Variants in FGD3 observed in about 807,000 individuals in gnomAD.
FGD3 encodes the protein FYVE, RhoGEF and PH domain containing 3.
Under a neutral mutation model 71.8 loss-of-function variants are expected in FGD3, and 45 were observed. The observed-to-expected ratio is 0.63, with a 90% CI of 0.49 to 0.80. The LOEUF is 0.80. Among genes scored for constraint, FGD3 ranks in the 30% least tolerant of loss-of-function variants. FGD3 has a pLI of 0.00. For synonymous variants in FGD3, 378 were observed against 392.8 expected (o/e 0.96, Z 0.44); for missense variants, 844 against 951.5 (o/e 0.89, Z 1.49).
chr9:93,020,458 C>A, intron 13 of FGD3, 34 bp downstream of exon 13: 1 of 1,581,022 alleles, frequency 6.3e-7, no homozygotes. Context: ...GAGAGACCTC[C>A]AGGGGACGGG....
At chr9:93,020,179 A>C (rs555949216) in intron 12 of FGD3, 138 bp from the exon 13 acceptor site, 1 of 750,054 alleles carries the variant, frequency 1.3e-6, no homozygotes, top group East Asian at 2.7e-5. Flanking sequence ...GTAGGGGGGA[A>C]GGGAGATGGC....
chr9:93,010,987 G>A (rs1285462948), intron 7 of FGD3, among the ~76,000 whole-genome samples: 3 of 152,170 alleles, frequency 2.0e-5, no homozygotes, highest in African/African-American at 7.2e-5. Flanking sequence ...GTGCAGAATC[G>A]TGGGAGCCCC....
chr9:92,962,249 T>G (rs1859180662), intron 1 of FGD3, among the ~76,000 whole-genome samples: 1 of 152,240 alleles, frequency 6.6e-6, no homozygotes, highest in African/African-American at 2.4e-5. Context: ...AGCCTGCTGC[T>G]GTGCTGCCAG....
rs748331441 is a variant in FGD3 at position 93,004,011 on chromosome 9, C to T, written c.554C>T (p.Thr185Ile). The T allele has an allele frequency of 9.3e-6, 15 of 1,614,168 alleles. No homozygotes were observed. The Admixed American group carries it at 2.5e-4, about 27-fold the overall frequency. ...CTTCTCTATGCTCAGGTTTTCTGCA[C>T]CAGGCTGACGGATGCGGGGATCCCT... Reference protein sequence around the residue: ...RLHLLDQVFCTRLTDAGIPPE... With the variant: ...RLHLLDQVFCIRLTDAGIPPE... Residue 185 changes from threonine to isoleucine, a missense_variant, in exon 5 of 18, where the codon ACC (threonine) becomes ATC (isoleucine). Coordinates refer to ENST00000375482, the MANE Select transcript of FGD3 (RefSeq NM_001083536.2).
At chr9:93,023,537 C>T (rs7855476) in intron 14 of FGD3, among the ~76,000 whole-genome samples, 26,104 of 152,162 alleles carry the variant, frequency 0.17, 2,275 homozygotes, top group Non-Finnish European at 0.18. Flanking sequence ...GGAAGTCTGA[C>T]ACGGGGTGGG....
At chr9:93,010,977 G>A (rs943810987) in intron 7 of FGD3, among the ~76,000 whole-genome samples, 2 of 152,092 alleles carry the variant, frequency 1.3e-5, no homozygotes, top group African/African-American at 4.8e-5. Flanking sequence ...ACAGGCGTCT[G>A]TGCAGAATCG....
At chr9:92,987,524 G>A (rs1214906053) in intron 3 of FGD3, among the ~76,000 whole-genome samples, 1 of 152,098 alleles carries the variant, frequency 6.6e-6, no homozygotes, top group Non-Finnish European at 1.5e-5. Context: ...CCACTCTCAT[G>A]AGCCTCCTGT....
intron 3 of FGD3, among the ~76,000 whole-genome samples, chr9:93,000,330 A>G (rs1047458400): frequency 6.6e-6 from 1 of 152,190 alleles, no homozygotes; most frequent in Non-Finnish European, 1.5e-5. Flanking sequence ...CACCAAAAGG[A>G]TAATAGTACA....
chr9:92,982,703 G>C (rs1284655975), intron 3 of FGD3, among the ~76,000 whole-genome samples: 1 of 151,870 alleles, frequency 6.6e-6, no homozygotes, highest in Admixed American at 6.6e-5. Flanking sequence ...AGTCCTGAAA[G>C]TTTTTCCTCT....
At position 93,035,368 on chromosome 9, in the gene FGD3, C is replaced by T; in HGVS notation, c.1957C>T (p.Pro653Ser). Residue 653 changes from proline to serine, a missense_variant, in exon 18 of 18, where the codon CCC (proline) becomes TCC (serine). Transcript: ENST00000375482. ...DGRLPRTIPL[P>S]SCKLSVPDPE... ...CCGGCTGCCCCGCACCATCCCTCTCCCCAGCTGCAAACTGAGTGTGCCGGA... is the reference window on the plus strand; with the variant it reads ...CCGGCTGCCCCGCACCATCCCTCTCTCCAGCTGCAAACTGAGTGTGCCGGA... 1 of 1,610,870 alleles carries T rather than the reference C, an allele frequency of 6.2e-7. No homozygotes were observed. Among genetic ancestry groups the T allele is most frequent in the Non-Finnish European group, 8.5e-7 (1 of 1,178,984 alleles).
At chr9:92,968,636 C>A (rs1200798795) in intron 1 of FGD3, among the ~76,000 whole-genome samples, 1 of 147,742 alleles carries the variant, frequency 6.8e-6, no homozygotes, top group East Asian at 2.0e-4. Context: ...CGGAGTCTCA[C>A]TCTGTGGCCC....
chr9:93,011,409 C>T lies in FGD3; in HGVS notation c.1035+137C>T, dbSNP rs368708752. 19 of 1,044,618 alleles carry T rather than the reference C, an allele frequency of 1.8e-5. No homozygotes were observed. In the Admixed American group the frequency reaches 3.1e-4, roughly 17 times the overall value. The allele number at this position is 1,044,618 out of a possible 1,614,324, so 64.7% of individuals were successfully genotyped here. A position where few individuals can be genotyped will look rare whatever the true frequency, so the allele number is the denominator to read the frequency against. On this transcript the variant is annotated intron_variant, in intron 8 of 17. Coordinates refer to ENST00000375482, the MANE Select transcript of FGD3 (RefSeq NM_001083536.2). ...ACTCTTTTATACCTCCTTCCACCCCCATCCCCAGGGGGGTCAGCTGGACAG... is the reference window on the plus strand; with the variant it reads ...ACTCTTTTATACCTCCTTCCACCCCTATCCCCAGGGGGGTCAGCTGGACAG...
At chr9:92,977,347 G>A (rs1285084108) in intron 3 of FGD3, among the ~76,000 whole-genome samples, 1 of 152,174 alleles carries the variant, frequency 6.6e-6, no homozygotes, top group Non-Finnish European at 1.5e-5. Context: ...ATCTTGGGGA[G>A]ATGGAGAGGC....
At chr9:93,007,000 TA>T (rs1861086893) in intron 6 of FGD3, among the ~76,000 whole-genome samples, 1 of 152,072 alleles carries the variant, frequency 6.6e-6, no homozygotes, top group Admixed American at 6.5e-5. Flanking sequence ...GTGCTGGGAT[TA>T]CAGGCGTGAG....
chr9:93,019,563 C>T (rs1861833231), intron 11 of FGD3, among the ~76,000 whole-genome samples: 1 of 152,172 alleles, frequency 6.6e-6, no homozygotes, highest in South Asian at 2.1e-4. Context: ...TTCTGTTCTC[C>T]CACACCCCAC....
At chr9:93,033,399 C>T (rs999387611) in intron 16 of FGD3, 7 of 186,542 alleles carry the variant, frequency 3.8e-5, no homozygotes, top group Non-Finnish European at 7.9e-5. Flanking sequence ...CTGTCTTTCT[C>T]CTTCTCCTCT....
At chr9:93,028,871 G>C (rs989006764) in intron 14 of FGD3, among the ~76,000 whole-genome samples, 13 of 152,078 alleles carry the variant, frequency 8.5e-5, no homozygotes, top group African/African-American at 3.1e-4. Flanking sequence ...GGCAGCCCCA[G>C]GCTACACCTG....
chr9:92,981,717 G>A (rs371249143), intron 3 of FGD3, among the ~76,000 whole-genome samples: 4 of 152,108 alleles, frequency 2.6e-5, no homozygotes, highest in East Asian at 1.9e-4. Flanking sequence ...ATTTAGGAGC[G>A]CTGAGGTTTG....
intron 6 of FGD3, among the ~76,000 whole-genome samples, chr9:93,009,727 C>T (rs1176044713): frequency 2.6e-5 from 4 of 152,160 alleles, no homozygotes; most frequent in Admixed American, 1.3e-4. Context: ...ACACGTGGAG[C>T]GCGAGGGTCT....
Sources: allele counts gnomAD v4.1 joint callset (sites outside exome capture counted in the v4.1 genomes callset), GRCh38; gene constraint gnomAD v4.1.1; transcripts MANE v1.5; gene names NCBI Gene and HGNC (gene_info 2026-07-23, HGNC 2026-07-21).